DLG2: variants seen among roughly 807,000 people sequenced by gnomAD.
The protein encoded by DLG2 is disks large homolog 2.
A neutral mutation model predicts 132.5 loss-of-function variants in DLG2; 45 were observed. The observed-to-expected ratio is 0.34, with a 90% CI of 0.27 to 0.44. DLG2 has a LOEUF of 0.44. Among genes scored for constraint, DLG2 ranks in the 20% least tolerant of loss-of-function variants. The pLI, the probability that DLG2 is intolerant of heterozygous loss-of-function variation, is 1.00. For synonymous variants in DLG2, 424 were observed against 419.6 expected (o/e 1.01, Z -0.13); for missense variants, 1,045 against 1,196.9 (o/e 0.87, Z 1.87).
chr11:83,516,457 G>A (rs988217441), intron 21 of DLG2, among the ~76,000 whole-genome samples: 1 of 152,080 alleles, frequency 6.6e-6, no homozygotes. Flanking sequence ...CAGCACACTG[G>A]TGGGTCTTGA....
chr11:84,645,269 T>G (rs576954140), intron 6 of DLG2, among the ~76,000 whole-genome samples: 5 of 152,266 alleles, frequency 3.3e-5, no homozygotes, highest in African/African-American at 9.6e-5. Flanking sequence ...GGCGTTATAA[T>G]AGGTACCTTT....
At chr11:83,710,020 G>A (rs2085024155) in intron 18 of DLG2, among the ~76,000 whole-genome samples, 1 of 152,120 alleles carries the variant, frequency 6.6e-6, no homozygotes, top group Non-Finnish European at 1.5e-5. Context: ...AAAAGCAAAG[G>A]GGAAAGTGTA....
chr11:85,018,790 CTTTT>C (rs59380438), intron 6 of DLG2, among the ~76,000 whole-genome samples: 2 of 135,638 alleles, frequency 1.5e-5, no homozygotes, highest in Non-Finnish European at 1.6e-5. Flanking sequence ...AACATGCCTT[CTTTT>C]TTTTTTTTTT....
At chr11:84,206,002 A>C (rs2096660402) in intron 8 of DLG2, among the ~76,000 whole-genome samples, 1 of 152,112 alleles carries the variant, frequency 6.6e-6, no homozygotes, top group Non-Finnish European at 1.5e-5. Context: ...GGAGAACATC[A>C]TTACGAGTCT....
chr11:83,588,383 T>A (rs1412733281), intron 19 of DLG2, among the ~76,000 whole-genome samples: 3 of 151,790 alleles, frequency 2.0e-5, no homozygotes, highest in Non-Finnish European at 4.4e-5. Flanking sequence ...CACTGACACC[T>A]CACACAGCAG....
intron 19 of DLG2, among the ~76,000 whole-genome samples, chr11:83,607,437 C>T (rs2059509906): frequency 6.6e-6 from 1 of 152,172 alleles, no homozygotes. Context: ...TGTTAGTTGT[C>T]TCCCAGTACC....
Position 84,101,924 on chromosome 11 carries a change from C to T in DLG2, c.625-2877G>A, listed in dbSNP as rs903339546. Among the ~76,000 whole-genome samples, 3 of 152,080 alleles carry T rather than the reference C, an allele frequency of 2.0e-5. No individual in the cohort carries two copies. The South Asian group carries it at 6.2e-4, about 31-fold the overall frequency. Reference sequence around the variant, plus strand: ...AAGATATTCGTGATCTAACTCTTAACCTTGTCAACTTTATTTCCAGCTTCA... The same window carrying T: ...AAGATATTCGTGATCTAACTCTTAATCTTGTCAACTTTATTTCCAGCTTCA... On this transcript the variant is annotated intron_variant, in intron 9 of 27. Coordinates refer to ENST00000376104, the MANE Select transcript of DLG2 (RefSeq NM_001142699.3).
At chr11:85,196,483 A>C (rs528017939) in intron 4 of DLG2, among the ~76,000 whole-genome samples, 1 of 152,320 alleles carries the variant, frequency 6.6e-6, no homozygotes, top group South Asian at 2.1e-4. Context: ...GGGCCTAATT[A>C]GTGGAGGCTG....
intron 7 of DLG2, among the ~76,000 whole-genome samples, chr11:84,491,438 A>G (rs532893019): frequency 6.6e-6 from 1 of 152,280 alleles, no homozygotes; most frequent in East Asian, 1.9e-4. Context: ...AAGTCAAATT[A>G]AACCTCTTCC....
At chr11:85,524,800 C>CT (rs1484887651) in intron 3 of DLG2, among the ~76,000 whole-genome samples, 1 of 152,006 alleles carries the variant, frequency 6.6e-6, no homozygotes, top group Non-Finnish European at 1.5e-5. Context: ...CACTGCTACT[C>CT]TAATTTTATT....
intron 17 of DLG2, among the ~76,000 whole-genome samples, chr11:83,792,517 T>C (rs1266532085): frequency 2.6e-5 from 4 of 152,162 alleles, no homozygotes; most frequent in Non-Finnish European, 5.9e-5. Context: ...AATGGTTTCT[T>C]GTATATACTA....
At chr11:83,663,533 A>G (rs1188242694) in intron 18 of DLG2, among the ~76,000 whole-genome samples, 1 of 152,234 alleles carries the variant, frequency 6.6e-6, no homozygotes, top group East Asian at 1.9e-4. Context: ...TTGTATCTGC[A>G]GCGTCATTGC....
rs551584129 is a variant in DLG2, at chr11:84,289,442, T to G, written c.520-38151A>C. Among the ~76,000 whole-genome samples the G allele has an allele frequency of 2.0e-3, 305 of 152,200 alleles. 3 individuals are homozygous for G. Among genetic ancestry groups the G allele is most frequent in the Middle Eastern group, 3.4e-3 (1 of 294 alleles). On this transcript the variant is annotated intron_variant, in intron 7 of 27. Coordinates refer to ENST00000376104, the MANE Select transcript of DLG2 (RefSeq NM_001142699.3). ...GTGAGGGATCAAAAAATAATTGGAA[T>G]TTAAGCCTTTTGAAATACAGAGAGA...
chr11:85,130,688 G>A (rs766656044), intron 5 of DLG2, among the ~76,000 whole-genome samples: 3 of 152,170 alleles, frequency 2.0e-5, no homozygotes, highest in Non-Finnish European at 4.4e-5. Context: ...GGGGGATAAG[G>A]AGATGAGTAT....
intron 6 of DLG2, among the ~76,000 whole-genome samples, chr11:84,614,981 A>C (rs188522900): frequency 1.3e-5 from 2 of 152,274 alleles, no homozygotes; most frequent in African/African-American, 4.8e-5. Flanking sequence ...AGAAATAAAC[A>C]TAACTGATAG....
Position 85,087,509 on chromosome 11 carries a change from A to G in DLG2, c.357+24152T>C, listed in dbSNP as rs540971722. Among the ~76,000 whole-genome samples the G allele has an allele frequency of 6.6e-5, 10 of 152,356 alleles. No individual in the cohort carries two copies. In the East Asian group the frequency reaches 1.9e-3, roughly 29 times the overall value. The stretch of plus-strand genomic sequence containing the variant: ...AACCATGTGGCTAAACCAAAGGGAA[A>G]GACTGTCATGCCATGAACTAGAGGA... On this transcript the variant is annotated intron_variant, in intron 6 of 27. Coordinates refer to ENST00000376104, the MANE Select transcript of DLG2 (RefSeq NM_001142699.3).
At chr11:84,442,530 G>A (rs2099020392) in intron 7 of DLG2, among the ~76,000 whole-genome samples, 3 of 152,006 alleles carry the variant, frequency 2.0e-5, no homozygotes, top group Admixed American at 1.3e-4. Flanking sequence ...GCCTGTCAGT[G>A]GGTGCGGGAG....
At chr11:85,344,306 G>A (rs1393778352) in intron 3 of DLG2, among the ~76,000 whole-genome samples, 1 of 152,106 alleles carries the variant, frequency 6.6e-6, no homozygotes, top group Non-Finnish European at 1.5e-5. Flanking sequence ...CCTTTTCTAT[G>A]AGACTTTCTC....
At chr11:85,394,756 C>T (rs1281301568) in intron 3 of DLG2, among the ~76,000 whole-genome samples, 1 of 152,158 alleles carries the variant, frequency 6.6e-6, no homozygotes, top group African/African-American at 2.4e-5. Context: ...AAAAGTGACT[C>T]CATCTCAGAT....
Sources: gnomAD v4.1 joint callset for allele counts (sites outside exome capture counted in the v4.1 genomes callset) on GRCh38, gnomAD v4.1.1 for gene constraint, MANE v1.5 for transcripts, NCBI Gene and HGNC (gene_info 2026-07-23, HGNC 2026-07-21) for gene names.